The following SIRT1 variants were observed in gnomAD, a reference collection of about 807,000 sequenced individuals.
SIRT1 encodes the protein sirtuin 1, also known as NAD-dependent protein deacetylase sirtuin-1.
In SIRT1, 24 loss-of-function variants were observed where a neutral mutation model predicts 67.9. The ratio of observed to expected loss-of-function variants is 0.35; its 90% CI spans 0.26 to 0.50. The LOEUF (loss-of-function observed/expected upper bound fraction) is 0.50. SIRT1 is among the 20% of genes least tolerant of loss of function. The probability of loss-of-function intolerance (pLI) is 0.98; values close to 1 mark genes in which losing one functional copy is unlikely to be tolerated. For missense variants in SIRT1, 873 were observed against 937.2 expected (o/e 0.93, Z 0.89); for synonymous variants, 378 against 350.7 (o/e 1.08, Z -0.87).
intron 7 of SIRT1, among the ~76,000 whole-genome samples, chr10:67,910,708 A>G (rs547020750): frequency 2.0e-5 from 3 of 152,312 alleles, no homozygotes; most frequent in African/African-American, 4.8e-5. Flanking sequence ...ATATGTCGAT[A>G]TAGTTTACCC....
Position 67,884,958 on chromosome 10 carries a change from G to GGAGGCA in SIRT1, c.243_248dup (p.Glu82_Ala83dup), listed in dbSNP as rs1384329436. On this transcript the variant is annotated inframe_insertion, in exon 1 of 9. Transcript: ENST00000212015. ...CGGCGGCGGCGCTGTGGCGGGAGGCGGAGGCAGAGGCGGCGGCGGCAGGCG... is the reference window on the plus strand; with the variant it reads ...CGGCGGCGGCGCTGTGGCGGGAGGCGGAGGCAGAGGCAGAGGCGGCGGCGGCAGGCG... 4 of 1,259,202 alleles carry GGAGGCA rather than the reference G, an allele frequency of 3.2e-6. No individual in the cohort carries two copies. Among genetic ancestry groups the GGAGGCA allele is most frequent in the Non-Finnish European group, 3.0e-6 (3 of 1,002,612 alleles). The allele number at this position is 1,259,202 out of a possible 1,614,324, so 78.0% of individuals were successfully genotyped here.
chr10:67,885,790 C>A (rs1315972890), intron 1 of SIRT1, among the ~76,000 whole-genome samples: 1 of 152,044 alleles, frequency 6.6e-6, no homozygotes, highest in Non-Finnish European at 1.5e-5. Context: ...TAGAGCTGTT[C>A]ATATTACTTT....
chr10:67,912,463 C>T lies in SIRT1; in HGVS notation c.1358-11C>T. ...CCCTTTTTCTAACTCTTATTTTTCA[C>T]CCTATTTTAGGTTCCATACCCCATG... On this transcript the variant is annotated splice_polypyrimidine_tract_variant and intron_variant, in intron 7 of 8. Transcript: ENST00000212015. The T allele has an allele frequency of 6.3e-7, 1 of 1,575,448 alleles. No homozygotes were observed. Among genetic ancestry groups the T allele is most frequent in the Non-Finnish European group, 8.6e-7 (1 of 1,164,584 alleles).
rs200987359 is a variant in SIRT1, at chr10:67,906,824, G to C, written c.977G>C (p.Cys326Ser). ...CCTGGACAATTCCAGCCATCTCTCT[G>C]TCACAAATTCATAGCCTTGTCAGAT... is the stretch of plus-strand genomic sequence containing the variant. The part of the protein sequence containing the change: ...IYPGQFQPSL[C>S]HKFIALSDKE... Residue 326 changes from cysteine (C) to serine (S), a missense_variant, in exon 5 of 9, where the codon TGT (cysteine) becomes TCT (serine). Around this residue, in one of 3 missense-constraint regions of SIRT1, gnomAD observed 251 missense variants for 358.8 expected, o/e 0.70. Transcript: ENST00000212015. 3.1e-6 allele frequency: 5 copies of C among 1,612,614 alleles called. No homozygotes were observed. Among genetic ancestry groups the C allele is most frequent in the Non-Finnish European group, 4.2e-6 (5 of 1,179,592 alleles).
chr10:67,892,947 A>G (rs1366389561), intron 4 of SIRT1, among the ~76,000 whole-genome samples: 3 of 152,182 alleles, frequency 2.0e-5, no homozygotes, highest in Non-Finnish European at 4.4e-5. Flanking sequence ...AGTTATATGT[A>G]TGTCTCACAT....
intron 6 of SIRT1, among the ~76,000 whole-genome samples, chr10:67,908,774 T>C (rs1052771951): frequency 2.6e-5 from 4 of 152,268 alleles, no homozygotes; most frequent in African/African-American, 9.6e-5. Flanking sequence ...TGGTGGCATA[T>C]GCCTTTAATC....
intron 4 of SIRT1, among the ~76,000 whole-genome samples, chr10:67,905,452 T>C (rs763233273): frequency 3.9e-5 from 6 of 152,254 alleles, no homozygotes; most frequent in Non-Finnish European, 7.3e-5. Context: ...TTTTGGATTC[T>C]TTATACGAGG....
In SIRT1 at chr10:67,884,978, C is replaced by T; in HGVS notation, c.257C>T (p.Ala86Val). The T allele has an allele frequency of 7.9e-7, 1 of 1,266,900 alleles. No homozygotes were observed. Among genetic ancestry groups the T allele is most frequent in the Non-Finnish European group, 1.0e-6 (1 of 1,004,766 alleles). 78.5% of individuals were successfully genotyped at this position (1,266,900 alleles called of 1,614,324 possible). A position where few individuals can be genotyped will look rare whatever the true frequency, so the allele number is the denominator to read the frequency against. Residue 86 changes from alanine (A) to valine (V), a missense_variant, in exon 1 of 9, where the codon GCA (alanine) becomes GTA (valine). Coordinates refer to ENST00000212015, the MANE Select transcript of SIRT1 (RefSeq NM_012238.5). ...WREAEAEAAA[A>V]GGEQEAQATA... ...GAGGCGGAGGCAGAGGCGGCGGCGGCAGGCGGGGAGCAAGAGGCCCAGGCG... is the reference window on the plus strand; with the variant it reads ...GAGGCGGAGGCAGAGGCGGCGGCGGTAGGCGGGGAGCAAGAGGCCCAGGCG...
chr10:67,889,213 A>T (rs1842531637), intron 3 of SIRT1, 90 bp downstream of exon 3: 2 of 1,392,740 alleles, frequency 1.4e-6, no homozygotes, highest in Admixed American at 2.3e-5. Context: ...AGAAGGATTT[A>T]TCCTTACATG....
chr10:67,906,625 G>A (rs1194130099), intron 4 of SIRT1, among the ~76,000 whole-genome samples, 165 bp from the exon 5 acceptor site: 3 of 152,086 alleles, frequency 2.0e-5, no homozygotes, highest in South Asian at 4.1e-4. Context: ...GACAGCAACC[G>A]TCCTTTTGTA....
chr10:67,904,975 T>C (rs1353429800), intron 4 of SIRT1, among the ~76,000 whole-genome samples: 2 of 152,156 alleles, frequency 1.3e-5, no homozygotes, highest in Non-Finnish European at 2.9e-5. Flanking sequence ...CTCTACCCTT[T>C]AGAAAGGGTG....
chr10:67,885,292 C>G (rs1382293559), intron 1 of SIRT1, 141 bp downstream of exon 1: 7 of 1,241,812 alleles, frequency 5.6e-6, no homozygotes, highest in South Asian at 7.1e-5. Context: ...TCCGTTCAGC[C>G]GCGCTCCTCC....
intron 3 of SIRT1, 50 bp from the exon 4 acceptor site, chr10:67,891,352 C>G (rs772523565): frequency 1.3e-6 from 2 of 1,560,164 alleles, no homozygotes; most frequent in East Asian, 2.2e-5. Flanking sequence ...TAGCTAGTTC[C>G]TATAAAGGTA....
intron 8 of SIRT1, among the ~76,000 whole-genome samples, chr10:67,914,233 G>A (rs913323980): frequency 2.6e-5 from 4 of 151,826 alleles, no homozygotes; most frequent in Non-Finnish European, 1.5e-5. Context: ...CACCTTGCTC[G>A]GCTGATTCTT....
intron 4 of SIRT1, among the ~76,000 whole-genome samples, chr10:67,895,511 C>T (rs1842640508): frequency 1.3e-5 from 2 of 152,168 alleles, no homozygotes; most frequent in South Asian, 4.1e-4. Flanking sequence ...CATAGGATAA[C>T]CTAAGCTTTT....
At chr10:67,912,343 T>C (rs752522390) in intron 7 of SIRT1, 131 bp from the exon 8 acceptor site, 10 of 723,690 alleles carry the variant, frequency 1.4e-5, no homozygotes, top group Non-Finnish European at 2.2e-5. Flanking sequence ...GTTAAGTATT[T>C]AGTGCATGGG....
chr10:67,906,333 C>A, intron 4 of SIRT1: 1 of 1,523,208 alleles, frequency 6.6e-7, no homozygotes, highest in Non-Finnish European at 8.8e-7. Flanking sequence ...GGTTGATATT[C>A]TAATGAATGA....
At chr10:67,895,054 G>C (rs1885472) in intron 4 of SIRT1, among the ~76,000 whole-genome samples, 95,179 of 151,978 alleles carry the variant, frequency 0.63, 30,642 homozygotes, top group Non-Finnish European at 0.68. Flanking sequence ...AATCAGCTAG[G>C]CTTTACAGTT....
chr10:67,907,149 T>C (rs1289431908), intron 5 of SIRT1, among the ~76,000 whole-genome samples: 1 of 152,202 alleles, frequency 6.6e-6, no homozygotes, highest in Non-Finnish European at 1.5e-5. Context: ...CAGATATTAA[T>C]TTGCTTTTGA....
Sources: gnomAD v4.1 joint callset for allele counts (sites outside exome capture counted in the v4.1 genomes callset) on GRCh38, gnomAD v4.1.1 for gene constraint, gnomAD v4.1.1 regional missense constraint, MANE v1.5 for transcripts, NCBI Gene and HGNC (gene_info 2026-07-23, HGNC 2026-07-21) for gene names.